Variants in DCC observed in about 807,000 individuals in gnomAD.
DCC encodes the protein DCC netrin 1 receptor.
A neutral mutation model predicts 172.5 loss-of-function variants in DCC; 58 were observed. The observed-to-expected ratio is 0.34, with a 90% confidence interval of 0.27 to 0.42. The LOEUF (loss-of-function observed/expected upper bound fraction) is 0.42. Among genes scored for constraint, DCC ranks in the 10% least tolerant of loss-of-function variants. The probability of loss-of-function intolerance (pLI) is 1.00; values close to 1 mark genes in which losing one functional copy is unlikely to be tolerated. For missense variants in DCC, 1,740 were observed against 1,791.0 expected (o/e 0.97, Z 0.51); for synonymous variants, 709 against 644.5 (o/e 1.10, Z -1.52).
intron 1 of DCC, among the ~76,000 whole-genome samples, chr18:52,699,319 A>T (rs2145030318): frequency 6.6e-6 from 1 of 152,200 alleles, no homozygotes; most frequent in African/African-American, 2.4e-5. Flanking sequence ...CCCTCTGGCT[A>T]GGGGTGGTCT....
At chr18:52,603,113 T>A (rs1290656531) in intron 1 of DCC, among the ~76,000 whole-genome samples, 4 of 152,088 alleles carry the variant, frequency 2.6e-5, no homozygotes, top group Non-Finnish European at 4.4e-5. Context: ...CTTTATAGTG[T>A]AATTTCAAGG....
chr18:52,907,767 C>T (rs2039911798), intron 3 of DCC, among the ~76,000 whole-genome samples: 1 of 152,138 alleles, frequency 6.6e-6, no homozygotes, highest in African/African-American at 2.4e-5. Context: ...TTCTGAGAAG[C>T]ACTGTGCTAA....
At chr18:52,771,156 G>T (rs1249487000) in intron 2 of DCC, among the ~76,000 whole-genome samples, 1 of 152,172 alleles carries the variant, frequency 6.6e-6, no homozygotes, top group African/African-American at 2.4e-5. Flanking sequence ...AGGCGCCCTG[G>T]GATGGCCCAG....
chr18:53,180,324 C>T (rs2055175449), intron 9 of DCC, among the ~76,000 whole-genome samples: 1 of 152,118 alleles, frequency 6.6e-6, no homozygotes, highest in African/African-American at 2.4e-5. Context: ...ATATTTGCCT[C>T]ACAGAAATAA....
At chr18:52,418,941 A>G (rs1987148867) in intron 1 of DCC, among the ~76,000 whole-genome samples, 1 of 143,516 alleles carries the variant, frequency 7.0e-6, no homozygotes, top group African/African-American at 2.6e-5. Context: ...GATCACTGCA[A>G]CCTCTGCCTC....
intron 14 of DCC, among the ~76,000 whole-genome samples, chr18:53,329,320 A>G (rs576692678): frequency 6.6e-6 from 1 of 152,210 alleles, no homozygotes; most frequent in Admixed American, 6.5e-5. Flanking sequence ...ATAACATTTT[A>G]TTACAAAAGG....
At chr18:52,496,234 T>A (rs1165737992) in intron 1 of DCC, among the ~76,000 whole-genome samples, 1 of 152,112 alleles carries the variant, frequency 6.6e-6, no homozygotes, top group Non-Finnish European at 1.5e-5. Flanking sequence ...CCAAAGATAA[T>A]TTTTTAGCTT....
chr18:53,467,217 T>C (rs760266270), intron 24 of DCC, among the ~76,000 whole-genome samples: 3 of 152,094 alleles, frequency 2.0e-5, no homozygotes, highest in Non-Finnish European at 4.4e-5. Context: ...ACAATATGGT[T>C]TTATATGCAT....
intron 2 of DCC, among the ~76,000 whole-genome samples, chr18:52,761,119 TG>T (rs1366139952): frequency 4.6e-5 from 7 of 152,216 alleles, no homozygotes; most frequent in African/African-American, 1.7e-4. Context: ...TCTACATGGC[TG>T]GGGAGGCCTC....
intron 5 of DCC, among the ~76,000 whole-genome samples, chr18:52,972,566 T>A (rs909547438): frequency 2.0e-5 from 3 of 151,522 alleles, no homozygotes; most frequent in Non-Finnish European, 4.4e-5. Context: ...CATGTACATA[T>A]CAAGATGGAT....
At chr18:52,914,011 G>A (rs1398172833) in intron 3 of DCC, among the ~76,000 whole-genome samples, 3 of 152,012 alleles carry the variant, frequency 2.0e-5, no homozygotes, top group African/African-American at 7.2e-5. Context: ...ATGGGAAATA[G>A]TCCAAATGCT....
At chr18:52,697,439 T>A (rs1313499683) in intron 1 of DCC, among the ~76,000 whole-genome samples, 1 of 152,222 alleles carries the variant, frequency 6.6e-6, no homozygotes, top group Non-Finnish European at 1.5e-5. Flanking sequence ...TCTCTGTCAC[T>A]GATATGGAGA....
chr18:52,426,574 C>A (rs891610025), intron 1 of DCC, among the ~76,000 whole-genome samples: 1 of 151,858 alleles, frequency 6.6e-6, no homozygotes, highest in Non-Finnish European at 1.5e-5. Flanking sequence ...CAGCAACCAC[C>A]GACAAAAACC....
intron 12 of DCC, among the ~76,000 whole-genome samples, chr18:53,265,275 C>T (rs902985293): frequency 6.6e-6 from 1 of 152,146 alleles, no homozygotes; most frequent in Non-Finnish European, 1.5e-5. Context: ...TATAACCTGG[C>T]TCAATATTAC....
At chr18:53,036,079 A>G (rs1321512160) in intron 5 of DCC, among the ~76,000 whole-genome samples, 1 of 151,984 alleles carries the variant, frequency 6.6e-6, no homozygotes, top group East Asian at 1.9e-4. Context: ...TGCTTTAGAG[A>G]GTATCAATTT....
intron 5 of DCC, among the ~76,000 whole-genome samples, chr18:53,014,583 G>T (rs1599029309): frequency 6.6e-6 from 1 of 151,566 alleles, no homozygotes; most frequent in Non-Finnish European, 1.5e-5. Context: ...AATGATGGGG[G>T]ATAATTATTT....
intron 5 of DCC, among the ~76,000 whole-genome samples, chr18:53,036,607 TATATC>T (rs1446435536): frequency 6.6e-6 from 1 of 152,046 alleles, no homozygotes; most frequent in African/African-American, 2.4e-5. Context: ...GATTTCAACA[TATATC>T]ATAGGTTACG....
At chr18:52,618,163 A>G (rs1221864) in intron 1 of DCC, among the ~76,000 whole-genome samples, 134,894 of 152,100 alleles carry the variant, frequency 0.89, 60,541 homozygotes, top group Middle Eastern at 0.97. Flanking sequence ...CCTGACTCAC[A>G]TTAGAAGGGA....
chr18:53,402,651 TA>T, intron 18 of DCC, 134 bp from the exon 19 acceptor site: 1 of 750,986 alleles, frequency 1.3e-6, no homozygotes, highest in Non-Finnish European at 2.4e-6. Flanking sequence ...ATCCTTGAAA[TA>T]AACTGTAAAT....
Sources: allele counts gnomAD v4.1 joint callset (sites outside exome capture counted in the v4.1 genomes callset), GRCh38; gene constraint gnomAD v4.1.1; transcripts MANE v1.5; gene names NCBI Gene and HGNC (gene_info 2026-07-23, HGNC 2026-07-21).